TNFAIP2: variants seen among roughly 807,000 people sequenced by gnomAD.
The protein encoded by TNFAIP2 is TNF alpha induced protein 2.
TNFAIP2 carries 47 observed loss-of-function variants against 63.5 expected under a neutral mutation model. The observed-to-expected ratio is 0.74, with a 90% CI of 0.59 to 0.94. The LOEUF is 0.94. Ranked by LOEUF, TNFAIP2 falls within the 40% of genes least tolerant of loss-of-function variation. The probability of loss-of-function intolerance (pLI) is 0.00; values close to 1 mark genes in which losing one functional copy is unlikely to be tolerated. For missense variants in TNFAIP2, 787 were observed against 850.2 expected (o/e 0.93, Z 0.92); for synonymous variants, 405 against 390.2 (o/e 1.04, Z -0.45).
chr14:103,125,416 T>G (rs1426710861), intron 1 of TNFAIP2, among the ~76,000 whole-genome samples: 11 of 152,202 alleles, frequency 7.2e-5, no homozygotes, highest in Non-Finnish European at 1.2e-4. Flanking sequence ...TGGGACCGGG[T>G]GGCCTGAGTT....
chr14:103,122,630 G>A, upstream of TNFAIP2: 1 of 455,922 alleles, frequency 2.2e-6, no homozygotes, highest in South Asian at 1.5e-5. Flanking sequence ...GTGTGGATGG[G>A]GAGACAGGCC....
Position 103,132,866 on chromosome 14 carries a change from C to A in TNFAIP2, c.1539C>A (p.Phe513Leu). 6.2e-7 allele frequency: 1 copy of A among 1,613,802 alleles called. No homozygotes were observed. The part of the protein sequence containing the change: ...LPEFSELQGC[F>L]REELMEALHL... ...AGTTCTCAGAGCTGCAGGGCTGTTT[C>A]CGGGAGGTGAGGAGGCTCTGGGCTG... The change falls in exon 9 of 12, where the codon TTC becomes TTA. Residue 513 changes from phenylalanine (F) to leucine (L), a missense_variant. Coordinates refer to ENST00000560869, the MANE Select transcript of TNFAIP2 (RefSeq NM_006291.4).
At chr14:103,124,125 G>C (rs760244145) in intron 1 of TNFAIP2, among the ~76,000 whole-genome samples, 174 bp downstream of exon 1, 1 of 152,170 alleles carries the variant, frequency 6.6e-6, no homozygotes, top group Non-Finnish European at 1.5e-5. Context: ...TGGCTGCACC[G>C]GCTCGCTGCT....
rs1427037953 is a variant in TNFAIP2 at position 103,131,242 on chromosome 14, G to C, written c.1298+92G>C. ...GGTGGAGGGAGGAGGAGCTGCTTAG[G>C]CCAAGAAGTGGAATTCAAACCAGCA... On this transcript the variant is annotated intron_variant, in intron 7 of 11. Coordinates refer to ENST00000560869, the MANE Select transcript of TNFAIP2 (RefSeq NM_006291.4). The surrounding 1 kb of genome is among the most constrained non-coding windows in gnomAD (Gnocchi z 4.0). 7.3e-7 allele frequency: 1 copy of C among 1,371,132 alleles called. No homozygotes were observed. The allele number at this position is 1,371,132 out of a possible 1,614,324, so 84.9% of individuals were successfully genotyped here.
Position 103,126,074 on chromosome 14 carries a change from C to A in TNFAIP2, c.-148-236C>A, listed in dbSNP as rs2234126. ...CGGGCTTGGCGTCCCCAGCCTCTTC[C>A]TTGCTTCTGGGGCTGTGAAGTATTG... On this transcript the variant is annotated intron_variant, in intron 1 of 11. Coordinates refer to ENST00000560869, the MANE Select transcript of TNFAIP2 (RefSeq NM_006291.4). Among the ~76,000 whole-genome samples the A allele has an allele frequency of 3.4e-3, 517 of 152,318 alleles. 2 individuals are homozygous for A. Among genetic ancestry groups the A allele is most frequent in the African/African-American group, 0.012 (491 of 41,572 alleles).
chr14:103,129,830 G>A lies in TNFAIP2; in HGVS notation c.951G>A (p.Glu317=), dbSNP rs1211922320. 6.2e-7 allele frequency: 1 copy of A among 1,614,026 alleles called. No individual in the cohort carries two copies. Among genetic ancestry groups the A allele is most frequent in the South Asian group, 1.1e-5 (1 of 91,084 alleles). The change falls in exon 4 of 12, where the codon GAG becomes GAA. Residue 317 remains glutamate, a synonymous_variant. Transcript: ENST00000560869. ...CCCCCAGGCAGATCCGACTGCTGGAGGCCACATTCCTGTCCAGTGAGGCGG... is the reference window on the plus strand; with the variant it reads ...CCCCCAGGCAGATCCGACTGCTGGAAGCCACATTCCTGTCCAGTGAGGCGG... ...LLPPRQIRLL[E]ATFLSSEAAN... is the part of the protein sequence containing the mutation.
At position 103,135,383 on chromosome 14, in the gene TNFAIP2, C is replaced by T; in HGVS notation, c.*23C>T. On this transcript the variant is annotated 3_prime_UTR_variant, in exon 12 of 12. Transcript: ENST00000560869. The surrounding 1 kb of genome is among the most constrained non-coding windows in gnomAD (Gnocchi z 7.6). ...TAGCTTTTCCTGTGGCCTGACCTGCCTGTGAGTGCCCAGCAAGCCTTGGGC... is the reference window on the plus strand; with the variant it reads ...TAGCTTTTCCTGTGGCCTGACCTGCTTGTGAGTGCCCAGCAAGCCTTGGGC... 1 of 1,581,048 alleles carries T rather than the reference C, an allele frequency of 6.3e-7. No individual in the cohort carries two copies. The highest frequency in any genetic ancestry group is 8.6e-7 in the Non-Finnish European group (1 of 1,163,950).
rs34790142 is a variant in TNFAIP2 at position 103,126,888 on chromosome 14, G to A, written c.236-117G>A. On this transcript the variant is annotated intron_variant, in intron 2 of 11. Transcript: ENST00000560869. ...TCAGGGACACCGACATCACCCTTTA[G>A]GGTGTTGGCCGCCGGCCCTGTGCGC... 99 of 1,401,166 alleles carry A rather than the reference G, an allele frequency of 7.1e-5. No individual in the cohort carries two copies. The African/African-American group carries it at 1.3e-3, about 19-fold the overall frequency. The allele number at this position is 1,401,166 out of a possible 1,614,324, so 86.8% of individuals were successfully genotyped here. A position where few individuals can be genotyped will look rare whatever the true frequency, so the allele number is the denominator to read the frequency against.
intron 3 of TNFAIP2, 152 bp from the exon 4 acceptor site, chr14:103,129,588 C>G: frequency 1.6e-6 from 1 of 641,662 alleles, no homozygotes. Context: ...ATGGAGGACC[C>G]ATCATCTGAA....
At chr14:103,122,678 T>C (rs772538759), upstream of TNFAIP2, 59 of 455,666 alleles carry the variant, frequency 1.3e-4, no homozygotes, top group Non-Finnish European at 2.2e-4. Context: ...CAAAGCCGGG[T>C]TGATGATCCA....
chr14:103,130,467 G>T, intron 6 of TNFAIP2, 52 bp downstream of exon 6: 1 of 1,513,112 alleles, frequency 6.6e-7, no homozygotes. Flanking sequence ...TCAGAGCCAC[G>T]GCCCCTCCCT....
In TNFAIP2 at chr14:103,136,621, T is replaced by A. The variant is rs1414283859; in HGVS notation, c.*1261T>A. ...AAGGCTCACTGCAGCCTGGACCTCC[T>A]GGTTCAAGTGATCCTCTTGTCTCAG... On this transcript the variant is annotated 3_prime_UTR_variant, in exon 12 of 12. Transcript: ENST00000560869. The A allele has an allele frequency of 6.6e-6, 1 of 151,482 alleles. No homozygotes were observed. Among genetic ancestry groups the A allele is most frequent in the Non-Finnish European group, 1.5e-5 (1 of 67,986 alleles). The allele number at this position is 151,482 out of a possible 1,614,324, so 9.4% of individuals were successfully genotyped here.
chr14:103,135,947 C>T lies in TNFAIP2; in HGVS notation c.*587C>T, dbSNP rs41310340. The T allele has an allele frequency of 4.3e-4, 554 of 1,289,740 alleles. 1 individual carries two copies. The Middle Eastern group carries it at 0.01, about 24-fold the overall frequency. The allele number at this position is 1,289,740 out of a possible 1,614,324, so 79.9% of individuals were successfully genotyped here. On this transcript the variant is annotated 3_prime_UTR_variant, in exon 12 of 12. Transcript: ENST00000560869. The surrounding 1 kb of genome is among the most constrained non-coding windows in gnomAD (Gnocchi z 7.6). ...AGCTGTGAGCACCGCCAGCATTAGA[C>T]GTCACATCCAGGTGGCCCCACGGCC...
At chr14:103,124,174 C>A (rs971600504) in intron 1 of TNFAIP2, among the ~76,000 whole-genome samples, 1 of 152,216 alleles carries the variant, frequency 6.6e-6, no homozygotes, top group East Asian at 1.9e-4. Flanking sequence ...GACTCACCCC[C>A]ACTGAGGCCC....
rs770912997 is a variant in TNFAIP2, at chr14:103,135,854, C to T, written c.*494C>T. ...GATTCAGCAATGGTGGAATGGAAGA[C>T]AGAACTGGAAGAGAAAGAAGGAAAA... On this transcript the variant is annotated 3_prime_UTR_variant, in exon 12 of 12. Coordinates refer to ENST00000560869, the MANE Select transcript of TNFAIP2 (RefSeq NM_006291.4). The surrounding 1 kb of genome is among the most constrained non-coding windows in gnomAD (Gnocchi z 7.6). 245 of 1,291,048 alleles carry T rather than the reference C, an allele frequency of 1.9e-4. No homozygotes were observed. Among genetic ancestry groups the T allele is most frequent in the Non-Finnish European group, 2.3e-4 (225 of 989,962 alleles). 80.0% of individuals were successfully genotyped at this position (1,291,048 alleles called of 1,614,324 possible).
chr14:103,135,548 C>T lies in TNFAIP2; in HGVS notation c.*188C>T. On this transcript the variant is annotated 3_prime_UTR_variant, in exon 12 of 12. Coordinates refer to ENST00000560869, the MANE Select transcript of TNFAIP2 (RefSeq NM_006291.4). The surrounding 1 kb of genome is among the most constrained non-coding windows in gnomAD (Gnocchi z 7.6). ...AACTGGACAGACCTTGGTTTGTTTA[C>T]ATGTCCGATGGGGGCAGGAGCTCCC... 1 of 1,444,814 alleles carries T rather than the reference C, an allele frequency of 6.9e-7. No individual in the cohort carries two copies. Among genetic ancestry groups the T allele is most frequent in the East Asian group, 2.5e-5 (1 of 40,544 alleles). The allele number at this position is 1,444,814 out of a possible 1,614,324, so 89.5% of individuals were successfully genotyped here.
At position 103,127,404 on chromosome 14, in the gene TNFAIP2, T is replaced by C; in HGVS notation, c.635T>C (p.Val212Ala). 1 of 1,554,602 alleles carries C rather than the reference T, an allele frequency of 6.4e-7. No homozygotes were observed. ...CAGCGGCCGGCCGCGGGCGCCGAGGTCCCCGAGAGCGTCTTTCTGCACTTG... is the reference window on the plus strand; with the variant it reads ...CAGCGGCCGGCCGCGGGCGCCGAGGCCCCCGAGAGCGTCTTTCTGCACTTG... ...MGQRPAAGAE[V>A]PESVFLHLGR... The change falls in exon 3 of 12, where the codon GTC becomes GCC. Residue 212 changes from valine (V) to alanine (A), a missense_variant. Around this residue, in one of 3 missense-constraint regions of TNFAIP2, gnomAD observed 523 missense variants for 604.1 expected, o/e 0.87. Coordinates refer to ENST00000560869, the MANE Select transcript of TNFAIP2 (RefSeq NM_006291.4). The surrounding 1 kb of genome is among the most constrained non-coding windows in gnomAD (Gnocchi z 5.1).
upstream of TNFAIP2, among the ~76,000 whole-genome samples, chr14:103,121,513 C>T (rs1369982026): frequency 6.6e-6 from 1 of 152,276 alleles, no homozygotes; most frequent in African/African-American, 2.4e-5. Context: ...AGGACTGCTC[C>T]TGCCCTATGG....
chr14:103,129,765 G>A lies in TNFAIP2; in HGVS notation c.886G>A (p.Val296Met). ...PNDIINSPKL[V>M]GELQGMGLGS... is the part of the protein sequence containing the mutation. ...TGACATCATCAACAGCCCCAAGCTG[G>A]TGGGTGAGCTGCAGGGTATGGGGCT... The change falls in exon 4 of 12, where the codon GTG becomes ATG. Residue 296 changes from valine to methionine, a missense_variant. By Grantham distance (21) the Val-to-Met change is conservative. Around this residue, in one of 3 missense-constraint regions of TNFAIP2, gnomAD observed 523 missense variants for 604.1 expected, o/e 0.87. Transcript: ENST00000560869. 4 of 1,614,056 alleles carry A rather than the reference G, an allele frequency of 2.5e-6. No homozygotes were observed. Among genetic ancestry groups the A allele is most frequent in the Non-Finnish European group, 3.4e-6 (4 of 1,179,964 alleles).
Sources: allele counts gnomAD v4.1 joint callset (sites outside exome capture counted in the v4.1 genomes callset), GRCh38; gene constraint gnomAD v4.1.1; regional missense constraint gnomAD v4.1.1; non-coding constraint Gnocchi (gnomAD v3.1); transcripts MANE v1.5; gene names NCBI Gene and HGNC (gene_info 2026-07-23, HGNC 2026-07-21).